The following C10orf88 variants were observed in gnomAD, a reference collection of about 807,000 sequenced individuals.
C10orf88 encodes ATPase PAAT.
A neutral mutation model predicts 34.2 loss-of-function variants in C10orf88; 29 were observed. That is an observed-to-expected ratio of 0.85 (90% CI 0.63 to 1.16). The LOEUF is 1.16. C10orf88 is among the 50% of genes most tolerant of loss of function. C10orf88 has a pLI of 0.00. For synonymous variants in C10orf88, 194 were observed against 197.4 expected, an observed-to-expected ratio of 0.98 and a Z score of 0.15; for missense variants, 507 against 533.2, an observed-to-expected ratio of 0.95 and a Z score of 0.48.
chr10:122,948,742 G>T lies in C10orf88; in HGVS notation c.555C>A (p.Asp185Glu). The change falls in exon 4 of 6, where the codon GAC (aspartate) becomes GAA (glutamate). Residue 185 changes from aspartate (D) to glutamate (E), a missense_variant. Transcript: ENST00000481909. The part of the protein sequence containing the change: ...TSSPALGSRI[D>E]LDKVQTIMES... Reference sequence around the variant, plus strand: ...CCATTATGGTTTGGACCTTGTCAAGGTCTATCCTTGATCCTAGAGCAGGAG... The same window carrying T: ...CCATTATGGTTTGGACCTTGTCAAGTTCTATCCTTGATCCTAGAGCAGGAG... The T allele has an allele frequency of 6.2e-7, 1 of 1,613,960 alleles. No individual in the cohort carries two copies. Among genetic ancestry groups the T allele is most frequent in the Non-Finnish European group, 8.5e-7 (1 of 1,179,898 alleles).
chr10:122,946,351 C>A (rs1227407116), intron 4 of C10orf88, among the ~76,000 whole-genome samples: 1 of 152,040 alleles, frequency 6.6e-6, no homozygotes, highest in Non-Finnish European at 1.5e-5. Context: ...TTTTACAGTA[C>A]CTCTTCTATG....
rs1486638275 is a variant in C10orf88 at position 122,948,648 on chromosome 10, C to T, written c.648+1G>A. On this transcript the variant is annotated splice_donor_variant, in intron 4 of 5. Coordinates refer to ENST00000481909, the MANE Select transcript of C10orf88 (RefSeq NM_024942.4). LOFTEE classifies it high-confidence loss of function. Reference sequence around the variant, plus strand: ...CTGGAAAGAAATCCATTTCTACTTACCCGCTGCTGACACCTAACCATATCC... The same window carrying T: ...CTGGAAAGAAATCCATTTCTACTTATCCGCTGCTGACACCTAACCATATCC... 2 of 1,612,454 alleles carry T rather than the reference C, an allele frequency of 1.2e-6. No homozygotes were observed. Among genetic ancestry groups the T allele is most frequent in the Non-Finnish European group, 1.7e-6 (2 of 1,179,098 alleles).
At position 122,938,113 on chromosome 10, in the gene C10orf88, G is replaced by T. The variant is rs764808792; in HGVS notation, c.695C>A (p.Ser232Tyr). 1.1e-5 allele frequency: 17 copies of T among 1,611,406 alleles called. No homozygotes were observed. The East Asian group carries it at 3.8e-4, about 36-fold the overall frequency. The change falls in exon 5 of 6, where the codon TCT becomes TAT. Residue 232 changes from serine to tyrosine, a missense_variant. Transcript: ENST00000481909. ...GEQLQSVLGNSGYKHMIGLQS... is the reference protein window; with the variant it reads ...GEQLQSVLGNYGYKHMIGLQS... ...TAGTCCAATCATATGCTTGTATCCA[G>T]AATTGCCCAACACCGACTGAAGCTG...
intron 1 of C10orf88, 116 bp from the exon 2 acceptor site, chr10:122,953,148 G>A: frequency 2.5e-6 from 2 of 798,030 alleles, no homozygotes; most frequent in Non-Finnish European, 4.1e-6. Flanking sequence ...CTCCATCTCG[G>A]CTCACTGCAC....
chr10:122,951,221 T>C (rs1255885730), intron 3 of C10orf88, among the ~76,000 whole-genome samples: 1 of 152,248 alleles, frequency 6.6e-6, no homozygotes, highest in Non-Finnish European at 1.5e-5. Flanking sequence ...TTGAAACTTC[T>C]CTAATTTTGT....
chr10:122,944,977 G>GGT (rs1240612633), intron 4 of C10orf88, among the ~76,000 whole-genome samples: 1 of 132,916 alleles, frequency 7.5e-6, no homozygotes, highest in South Asian at 2.5e-4. Context: ...CAATCCAATA[G>GGT]GTGTGTGTGT....
At chr10:122,936,480 G>A (rs1460750882) in intron 5 of C10orf88, among the ~76,000 whole-genome samples, 1 of 151,558 alleles carries the variant, frequency 6.6e-6, no homozygotes, top group African/African-American at 2.4e-5. Flanking sequence ...CTTTCTGCTT[G>A]CTTTAAGATC....
intron 4 of C10orf88, among the ~76,000 whole-genome samples, chr10:122,948,361 C>T (rs113197759): frequency 6.6e-6 from 1 of 152,120 alleles, no homozygotes; most frequent in East Asian, 1.9e-4. Flanking sequence ...TTAAAGACTA[C>T]AGATTAACTG....
intron 3 of C10orf88, 45 bp from the exon 4 acceptor site, chr10:122,948,900 AT>A (rs1848665363): frequency 6.6e-7 from 1 of 1,523,704 alleles, no homozygotes; most frequent in Non-Finnish European, 9.0e-7. Context: ...ATTAAAAACA[AT>A]AATCATTTAA....
Position 122,952,782 on chromosome 10 carries a change from C to A in C10orf88, c.368+47G>T. The A allele has an allele frequency of 1.9e-6, 3 of 1,599,248 alleles. No homozygotes were observed. The South Asian group carries it at 3.4e-5, about 18-fold the overall frequency. ...AATTATTGCAAAAAGTGAGAAAAAT[C>A]AAAACACTACTTCAGAAGAACACTT... On this transcript the variant is annotated intron_variant, in intron 2 of 5. Transcript: ENST00000481909.
At chr10:122,945,624 G>A (rs1370182276) in intron 4 of C10orf88, among the ~76,000 whole-genome samples, 1 of 151,498 alleles carries the variant, frequency 6.6e-6, no homozygotes, top group African/African-American at 2.4e-5. Context: ...TTGTGTCTTT[G>A]TTTTAAGCAA....
At chr10:122,953,159 G>A (rs529519060) in intron 1 of C10orf88, 127 bp from the exon 2 acceptor site, 3 of 731,254 alleles carry the variant, frequency 4.1e-6, no homozygotes, top group South Asian at 3.5e-5. Flanking sequence ...CTCACTGCAC[G>A]CTCCGCCTTC....
intron 4 of C10orf88, among the ~76,000 whole-genome samples, chr10:122,947,125 G>T (rs564011874): frequency 1.1e-4 from 16 of 152,300 alleles, no homozygotes; most frequent in African/African-American, 3.1e-4. Context: ...AGGTGGGCCA[G>T]TTAGGAATCT....
rs192248280 is a variant in C10orf88, at chr10:122,949,831, A to G, written c.442-976T>C. On this transcript the variant is annotated intron_variant, in intron 3 of 5. Transcript: ENST00000481909. Reference sequence around the variant, plus strand: ...GCTCATGTAAAACGTTTACTGAAATAAGTAAAATGCAATCCTTTCAAATTC... The same window carrying G: ...GCTCATGTAAAACGTTTACTGAAATGAGTAAAATGCAATCCTTTCAAATTC... 1.3e-3 allele frequency among the ~76,000 whole-genome samples: 200 copies of G among 152,332 alleles called. 1 individual carries two copies. The highest frequency in any genetic ancestry group is 4.5e-3 in the African/African-American group (185 of 41,570).
intron 4 of C10orf88, among the ~76,000 whole-genome samples, 189 bp from the exon 5 acceptor site, chr10:122,938,348 C>T (rs1848553530): frequency 6.6e-6 from 1 of 151,996 alleles, no homozygotes; most frequent in African/African-American, 2.4e-5. Flanking sequence ...GCCAAGGTAA[C>T]CAGCCAGTAA....
chr10:122,944,321 A>G (rs1230384699), intron 4 of C10orf88, among the ~76,000 whole-genome samples: 1 of 145,742 alleles, frequency 6.9e-6, no homozygotes, highest in East Asian at 2.1e-4. Context: ...TGGGAATTGA[A>G]CAATGAGAAC....
At chr10:122,944,373 T>G (rs1422320827) in intron 4 of C10orf88, among the ~76,000 whole-genome samples, 1 of 90,958 alleles carries the variant, frequency 1.1e-5, no homozygotes, top group Non-Finnish European at 2.0e-5. Flanking sequence ...TGGGGACTGT[T>G]GTGGGGTGGG....
chr10:122,948,841 G>A lies in C10orf88; in HGVS notation c.456C>T (p.Gly152=), dbSNP rs754259210. Residue 152 remains glycine (G), a synonymous_variant, in exon 4 of 6, where the codon GGC becomes GGT. Coordinates refer to ENST00000481909, the MANE Select transcript of C10orf88 (RefSeq NM_024942.4). ...HACKIKLLSF[G]ERQCVFISKV... ...TACTGATGAACACACACTGCCTTTC[G>A]CCAAAGGAGAGCAACTATTATAAAA... 43 of 1,611,192 alleles carry A rather than the reference G, an allele frequency of 2.7e-5. No homozygotes were observed. The highest frequency in any genetic ancestry group is 8.4e-5 in the Admixed American group (5 of 59,840).
rs186003367 is a variant in C10orf88 at position 122,942,277 on chromosome 10, T to A, written c.649-4118A>T. 3.5e-3 allele frequency among the ~76,000 whole-genome samples: 539 copies of A among 152,224 alleles called. 4 individuals carry two copies. Among genetic ancestry groups the A allele is most frequent in the East Asian group, 0.013 (69 of 5,182 alleles). On this transcript the variant is annotated intron_variant, in intron 4 of 5. Coordinates refer to ENST00000481909, the MANE Select transcript of C10orf88 (RefSeq NM_024942.4). ...AACAGAACCAAAGACAAAAACCACATGATTATCTCAATAGATGCAGAAAAG... is the reference window on the plus strand; with the variant it reads ...AACAGAACCAAAGACAAAAACCACAAGATTATCTCAATAGATGCAGAAAAG...
Sources: allele counts gnomAD v4.1 joint callset (sites outside exome capture counted in the v4.1 genomes callset), GRCh38; gene constraint gnomAD v4.1.1; transcripts MANE v1.5; gene names NCBI Gene and HGNC (gene_info 2026-07-23, HGNC 2026-07-21).